Variants in FLT1 observed in about 807,000 individuals in gnomAD.
The protein encoded by FLT1 is fms related receptor tyrosine kinase 1, also known as vascular endothelial growth factor receptor 1.
A neutral mutation model predicts 156.3 loss-of-function variants in FLT1; 49 were observed. The ratio of observed to expected loss-of-function variants is 0.31; its 90% confidence interval spans 0.25 to 0.40. The LOEUF is 0.40. Among genes scored for constraint, FLT1 ranks in the 10% least tolerant of loss-of-function variants. The pLI is 1.00. For synonymous variants in FLT1, 594 were observed against 583.8 expected, an observed-to-expected ratio of 1.02 and a Z score of -0.25; for missense variants, 1,322 against 1,637.2, an observed-to-expected ratio of 0.81 and a Z score of 3.32.
Position 28,495,004 on chromosome 13 carries a change from G to A in FLT1, c.-161C>T, listed in dbSNP as rs1019445458. The A allele has an allele frequency of 1.2e-5, 6 of 519,104 alleles. No individual in the cohort carries two copies. The highest frequency in any genetic ancestry group is 1.6e-5 in the Non-Finnish European group (5 of 309,374). 32.2% of individuals were successfully genotyped at this position (519,104 alleles called of 1,614,324 possible). A position where few individuals can be genotyped will look rare whatever the true frequency, so the allele number is the denominator to read the frequency against. On this transcript the variant is annotated 5_prime_UTR_variant, in exon 1 of 30. Coordinates refer to ENST00000282397, the MANE Select transcript of FLT1 (RefSeq NM_002019.4). The surrounding 1 kb of genome is among the most constrained non-coding windows in gnomAD (Gnocchi z 4.1). The stretch of plus-strand genomic sequence containing the variant: ...ACAACCACTTCCCCGGGTAATCCTC[G>A]CCGCCAGGCGCCCGCTGGCCGCTGC...
At chr13:28,473,698 AAAAG>A (rs1351953423) in intron 1 of FLT1, among the ~76,000 whole-genome samples, 1,037 of 101,962 alleles carry the variant, frequency 0.01, 36 homozygotes, top group Middle Eastern at 0.034. Flanking sequence ...AGAGAGAAAG[AAAAG>A]AAAGAAAGAA....
chr13:28,317,663 GA>G (rs1871261534), intron 24 of FLT1, 66 bp from the exon 25 acceptor site: 1 of 976,202 alleles, frequency 1.0e-6, no homozygotes, highest in South Asian at 1.3e-5. Flanking sequence ...ACCAAGAGGG[GA>G]CAATTCAGTG....
intron 24 of FLT1, among the ~76,000 whole-genome samples, chr13:28,318,095 A>T (rs1871278673): frequency 6.6e-6 from 1 of 151,762 alleles, no homozygotes; most frequent in Admixed American, 6.6e-5. Flanking sequence ...AGCAGCTGGG[A>T]CTCCAGGTGC....
At position 28,448,471 on chromosome 13, in the gene FLT1, C is replaced by T. The variant is rs139699468; in HGVS notation, c.389-10126G>A. 1.8e-4 allele frequency among the ~76,000 whole-genome samples: 28 copies of T among 152,228 alleles called. 1 individual carries two copies. Among genetic ancestry groups the T allele is most frequent in the Admixed American group, 1.7e-3 (26 of 15,290 alleles). ...GATACATGCATGATACATGAAAGAA[C>T]CTCAAAAATATTATGCTGAGTGAAA... is the stretch of plus-strand genomic sequence containing the variant. On this transcript the variant is annotated intron_variant, in intron 3 of 29. Transcript: ENST00000282397.
rs184119753 is a variant in FLT1, at chr13:28,480,216, T to C, written c.65-12599A>G. 5.3e-3 allele frequency among the ~76,000 whole-genome samples: 800 copies of C among 152,292 alleles called. 9 individuals are homozygous for C. The highest frequency in any genetic ancestry group is 0.018 in the African/African-American group (768 of 41,566). On this transcript the variant is annotated intron_variant, in intron 1 of 29. Coordinates refer to ENST00000282397, the MANE Select transcript of FLT1 (RefSeq NM_002019.4). ...CACTACATTCTCTATATGACCCCTT[T>C]CTCTCACTCCCTTACCTTGTTTATT...
At chr13:28,369,954 C>G (rs1184020323) in intron 14 of FLT1, among the ~76,000 whole-genome samples, 2 of 152,096 alleles carry the variant, frequency 1.3e-5, no homozygotes, top group Non-Finnish European at 2.9e-5. Context: ...AATTCCAACA[C>G]TTTGGGAGGT....
At chr13:28,425,394 G>C (rs1877279025) in intron 10 of FLT1, among the ~76,000 whole-genome samples, 1 of 152,094 alleles carries the variant, frequency 6.6e-6, no homozygotes, top group Admixed American at 6.5e-5. Flanking sequence ...ATGTTTTCAG[G>C]CCTTGGCGAA....
chr13:28,361,804 TTTGAG>T (rs1222961547), intron 14 of FLT1, among the ~76,000 whole-genome samples: 2 of 152,216 alleles, frequency 1.3e-5, no homozygotes, highest in East Asian at 3.8e-4. Flanking sequence ...AAAGACCTGT[TTTGAG>T]TAGGTGACTG....
chr13:28,391,104 C>T lies in FLT1; in HGVS notation c.1661-1000G>A, dbSNP rs17086623. Among the ~76,000 whole-genome samples the T allele has an allele frequency of 8.9e-3, 1,349 of 152,224 alleles. 54 individuals are homozygous for T. Among genetic ancestry groups the T allele is most frequent in the Admixed American group, 0.063 (958 of 15,276 alleles). Reference sequence around the variant, plus strand: ...AGATTTCTTCTGAAAATGCGGACAACTAATCTGGAAGAGTTGCCAGATTCT... The same window carrying T: ...AGATTTCTTCTGAAAATGCGGACAATTAATCTGGAAGAGTTGCCAGATTCT... On this transcript the variant is annotated intron_variant, in intron 12 of 29. Transcript: ENST00000282397.
intron 16 of FLT1, among the ~76,000 whole-genome samples, chr13:28,343,788 G>A (rs897092663): frequency 4.6e-5 from 7 of 151,508 alleles, no homozygotes; most frequent in Admixed American, 6.6e-5. Context: ...GACTACAGGC[G>A]CCCTCCACCA....
At chr13:28,405,644 C>T (rs1416886633) in intron 11 of FLT1, 136 bp downstream of exon 11, 2 of 688,996 alleles carry the variant, frequency 2.9e-6, no homozygotes, top group African/African-American at 1.8e-5. Flanking sequence ...GAAGACATAG[C>T]TCAGATATTG....
chr13:28,484,127 AT>A (rs1435002487), intron 1 of FLT1, among the ~76,000 whole-genome samples: 1 of 152,196 alleles, frequency 6.6e-6, no homozygotes, highest in East Asian at 1.9e-4. Flanking sequence ...ACATGTTCAC[AT>A]TTTTTTCCCT....
At chr13:28,368,491 G>C in intron 14 of FLT1, 1 of 1,525,250 alleles carries the variant, frequency 6.6e-7, no homozygotes, top group East Asian at 2.5e-5. Flanking sequence ...TCCAACTAAA[G>C]GATAAGTTCT....
At chr13:28,480,380 G>A (rs1187874355) in intron 1 of FLT1, among the ~76,000 whole-genome samples, 2 of 152,090 alleles carry the variant, frequency 1.3e-5, no homozygotes, top group African/African-American at 4.8e-5. Flanking sequence ...AGATAAATAA[G>A]TATATATAGA....
chr13:28,451,543 C>A (rs781350081), intron 3 of FLT1, among the ~76,000 whole-genome samples: 3 of 152,128 alleles, frequency 2.0e-5, no homozygotes, highest in Non-Finnish European at 4.4e-5. Flanking sequence ...TCCTCTCCAG[C>A]AGGGACACTG....
chr13:28,424,932 G>T (rs1054642479), intron 10 of FLT1, among the ~76,000 whole-genome samples: 4 of 152,210 alleles, frequency 2.6e-5, no homozygotes, highest in African/African-American at 9.6e-5. Flanking sequence ...TTTATATAAA[G>T]ACATATTTGA....
chr13:28,301,624 C>G lies in FLT1; in HGVS notation c.*1543G>C, dbSNP rs1316028726. Reference sequence around the variant, plus strand: ...CAATCCACTGTTGCCTCTCCAGCTTCTGACTGGCTGCAGAAGGTGCAGACA... The same window carrying G: ...CAATCCACTGTTGCCTCTCCAGCTTGTGACTGGCTGCAGAAGGTGCAGACA... On this transcript the variant is annotated 3_prime_UTR_variant, in exon 30 of 30. Transcript: ENST00000282397. 1 of 233,304 alleles carries G rather than the reference C, an allele frequency of 4.3e-6. No individual in the cohort carries two copies. The highest frequency in any genetic ancestry group is 8.5e-6 in the Non-Finnish European group (1 of 117,884). The allele number at this position is 233,304 out of a possible 1,614,324, so 14.5% of individuals were successfully genotyped here. A position where few individuals can be genotyped will look rare whatever the true frequency, so the allele number is the denominator to read the frequency against.
At chr13:28,385,461 G>A (rs1181578165) in intron 13 of FLT1, 5 of 986,776 alleles carry the variant, frequency 5.1e-6, no homozygotes, top group Non-Finnish European at 6.1e-6. Flanking sequence ...TTTTGTGTGA[G>A]TTTTGATTGA....
chr13:28,368,689 CT>C, intron 14 of FLT1: 1 of 682,318 alleles, frequency 1.5e-6, no homozygotes, highest in Non-Finnish European at 2.6e-6. Flanking sequence ...ATAATCATAT[CT>C]TTAGATTGGC....
Sources: gnomAD v4.1 joint callset for allele counts (sites outside exome capture counted in the v4.1 genomes callset) on GRCh38, gnomAD v4.1.1 for gene constraint, Gnocchi (gnomAD v3.1) non-coding constraint, MANE v1.5 for transcripts, NCBI Gene and HGNC (gene_info 2026-07-23, HGNC 2026-07-21) for gene names.